The following ERG variants were observed in gnomAD, a reference collection of about 807,000 sequenced individuals.
ERG encodes ETS transcription factor ERG, also known as transcriptional regulator ERG.
A neutral mutation model predicts 55.3 loss-of-function variants in ERG; 9 were observed. The ratio of observed to expected loss-of-function variants is 0.16; its 90% confidence interval spans 0.10 to 0.28. The LOEUF is 0.28. ERG is among the 10% of genes least tolerant of loss of function. The pLI is 1.00. For missense variants in ERG, 434 were observed against 631.6 expected, an observed-to-expected ratio of 0.69 and a Z score of 3.35; for synonymous variants, 223 against 237.3, an observed-to-expected ratio of 0.94 and a Z score of 0.55.
At chr21:38,657,680 T>C (rs1293967615) in intron 1 of ERG, among the ~76,000 whole-genome samples, 1 of 152,226 alleles carries the variant, frequency 6.6e-6, no homozygotes, top group Non-Finnish European at 1.5e-5. Context: ...GGAAAAGCCA[T>C]TGGAAAACTC....
At chr21:38,374,184 C>T in the ERG span, among the ~76,000 whole-genome samples, 1 of 152,250 alleles carries the variant, frequency 6.6e-6, no homozygotes, top group South Asian at 2.1e-4. Context: ...CTTCTTCATA[C>T]CACAGGCTGT....
chr21:38,627,590 G>A (rs900545589), intron 1 of ERG, among the ~76,000 whole-genome samples: 1 of 152,150 alleles, frequency 6.6e-6, no homozygotes, highest in Admixed American at 6.5e-5. Flanking sequence ...CATTTATTAT[G>A]TGATATTATA....
the ERG span, among the ~76,000 whole-genome samples, chr21:38,374,561 G>A: frequency 3.3e-5 from 5 of 152,156 alleles, no homozygotes; most frequent in East Asian, 5.8e-4. Context: ...AAAGGGACCA[G>A]GCCACCTTCA....
chr21:38,535,977 T>C (rs945721897), intron 2 of ERG, among the ~76,000 whole-genome samples: 1 of 152,142 alleles, frequency 6.6e-6, no homozygotes, highest in African/African-American at 2.4e-5. Context: ...TCTCATCCTC[T>C]TTCCTCCTTT....
At chr21:38,660,881 G>C (rs539178622) in intron 1 of ERG, among the ~76,000 whole-genome samples, 146 of 152,100 alleles carry the variant, frequency 9.6e-4, no homozygotes, top group African/African-American at 3.2e-3. Flanking sequence ...GTGGGTGTGG[G>C]TGTGCTCGCG....
At chr21:38,584,264 C>T (rs1203750194) in intron 1 of ERG, among the ~76,000 whole-genome samples, 1 of 152,226 alleles carries the variant, frequency 6.6e-6, no homozygotes, top group African/African-American at 2.4e-5. Flanking sequence ...AGCATTCCAG[C>T]TGGCCTCATG....
At chr21:38,587,686 C>T (rs1418446231), upstream of ERG, among the ~76,000 whole-genome samples, 1 of 152,196 alleles carries the variant, frequency 6.6e-6, no homozygotes, top group Non-Finnish European at 1.5e-5. Flanking sequence ...TAAACATGTT[C>T]CCCAAATCCA....
chr21:38,415,100 T>C (rs553929571), intron 3 of ERG, among the ~76,000 whole-genome samples: 1 of 152,224 alleles, frequency 6.6e-6, no homozygotes, highest in Non-Finnish European at 1.5e-5. Context: ...CTCCCCTGGG[T>C]ATTTTTGTCA....
chr21:38,631,474 G>A (rs1273170797), intron 1 of ERG, among the ~76,000 whole-genome samples: 1 of 152,174 alleles, frequency 6.6e-6, no homozygotes, highest in African/African-American at 2.4e-5. Context: ...TTCTGTTGCT[G>A]CTATATATGT....
At chr21:38,566,689 A>G (rs750602702) in intron 2 of ERG, among the ~76,000 whole-genome samples, 4 of 152,262 alleles carry the variant, frequency 2.6e-5, no homozygotes, top group Non-Finnish European at 5.9e-5. Flanking sequence ...AAAAGACAGC[A>G]GCCTTCAATG....
At chr21:38,479,847 C>G (rs1170043618) in intron 1 of ERG, among the ~76,000 whole-genome samples, 1 of 152,248 alleles carries the variant, frequency 6.6e-6, no homozygotes, top group Non-Finnish European at 1.5e-5. Context: ...ACTTCAAAGA[C>G]AGAAGATTCA....
At chr21:38,583,369 C>A (rs2060042080) in intron 1 of ERG, among the ~76,000 whole-genome samples, 1 of 152,218 alleles carries the variant, frequency 6.6e-6, no homozygotes. Context: ...AAGGGGAGCA[C>A]CGCCCGAAAT....
upstream of ERG, among the ~76,000 whole-genome samples, chr21:38,587,116 T>G (rs1355493897): frequency 6.6e-6 from 1 of 152,248 alleles, no homozygotes; most frequent in African/African-American, 2.4e-5. Flanking sequence ...TATAGTTTTG[T>G]GTATTTTCCA....
At chr21:38,467,265 C>G (rs969963840) in intron 1 of ERG, among the ~76,000 whole-genome samples, 2 of 152,156 alleles carry the variant, frequency 1.3e-5, no homozygotes, top group African/African-American at 2.4e-5. Context: ...AGGGAAGTAT[C>G]CATACTCTGA....
rs145978911 is a variant in ERG, at chr21:38,409,210, G to A, written c.389-5501C>T. ...CTAAGTCTCTGTGATCAGGCTGGGC[G>A]TGGTGGCTCATACCTGTAATCCCAG... On this transcript the variant is annotated intron_variant, in intron 3 of 9. Coordinates refer to ENST00000288319, the MANE Select transcript of ERG (RefSeq NM_182918.4). Among the ~76,000 whole-genome samples, 378 of 152,200 alleles carry A rather than the reference G, an allele frequency of 2.5e-3. 12 individuals are homozygous for A. The East Asian group carries it at 0.065, about 26-fold the overall frequency.
chr21:38,525,238 T>C (rs777497563), intron 2 of ERG, among the ~76,000 whole-genome samples: 5 of 152,108 alleles, frequency 3.3e-5, no homozygotes, highest in Non-Finnish European at 7.4e-5. Flanking sequence ...GTGGTGTAGC[T>C]GACACCCCTC....
At chr21:38,608,737 G>A (rs571396679) in intron 1 of ERG, among the ~76,000 whole-genome samples, 8 of 152,224 alleles carry the variant, frequency 5.3e-5, no homozygotes, top group Non-Finnish European at 1.2e-4. Context: ...ACATACAGGG[G>A]CACCAGAACC....
intron 1 of ERG, among the ~76,000 whole-genome samples, chr21:38,446,407 AT>A (rs2058892823): frequency 6.6e-6 from 1 of 152,080 alleles, no homozygotes; most frequent in African/African-American, 2.4e-5. Context: ...TGGATCAATC[AT>A]TTTTCGTGGT....
At position 38,423,451 on chromosome 21, in the gene ERG, G is replaced by C. The variant is rs760655364; in HGVS notation, c.347C>G (p.Pro116Arg). The C allele has an allele frequency of 4.3e-5, 69 of 1,613,950 alleles. No homozygotes were observed. The highest frequency in any genetic ancestry group is 5.5e-5 in the Non-Finnish European group (65 of 1,179,976). The part of the protein sequence containing the change: ...SYMEEKHMPP[P>R]NMTTNERRVI... The stretch of plus-strand genomic sequence containing the variant: ...TCTGCGCTCGTTCGTGGTCATGTTT[G>C]GGGGTGGCATGTGCTTCTCCTCCAT... Residue 116 changes from proline to arginine, a missense_variant, in exon 3 of 10, where the codon CCA becomes CGA. Pro to Arg is a moderately radical substitution (Grantham distance 103). Transcript: ENST00000288319.
Sources: gnomAD v4.1 joint callset for allele counts (sites outside exome capture counted in the v4.1 genomes callset) on GRCh38, gnomAD v4.1.1 for gene constraint, MANE v1.5 for transcripts, NCBI Gene and HGNC (gene_info 2026-07-23, HGNC 2026-07-21) for gene names.